Variants in KIAA2012 observed in about 807,000 individuals in gnomAD.
The protein encoded by KIAA2012 is uncharacterized protein KIAA2012.
KIAA2012 carries 125 observed loss-of-function variants against 150.6 expected under a neutral mutation model. The ratio of observed to expected loss-of-function variants is 0.83; its 90% CI spans 0.72 to 0.96. The LOEUF is 0.96. Among genes scored for constraint, KIAA2012 ranks in the 40% least tolerant of loss-of-function variants. The probability of loss-of-function intolerance (pLI) is 0.00; values close to 1 mark genes in which losing one functional copy is unlikely to be tolerated. For missense variants in KIAA2012, 1,219 were observed against 1,354.9 expected (o/e 0.90, Z 1.57); for synonymous variants, 462 against 504.7 (o/e 0.92, Z 1.13).
chr2:202,201,898 G>T (rs2105758039), intron 22 of KIAA2012: 2 of 1,007,104 alleles, frequency 2.0e-6, no homozygotes, highest in South Asian at 1.3e-5. Flanking sequence ...GTGGCTGCAG[G>T]TCCGGTTCGT....
chr2:202,195,562 T>C (rs1015164206), intron 21 of KIAA2012, among the ~76,000 whole-genome samples: 1 of 152,012 alleles, frequency 6.6e-6, no homozygotes, highest in African/African-American at 2.4e-5. Context: ...CTCTTATAGC[T>C]ATTTGAAAAT....
intron 12 of KIAA2012, among the ~76,000 whole-genome samples, chr2:202,133,112 AT>A (rs1559215736): frequency 3.4e-5 from 3 of 88,822 alleles, no homozygotes; most frequent in Non-Finnish European, 4.4e-5. Flanking sequence ...AAAAAAAAAT[AT>A]ATATATATAT....
rs1052583452 is a variant in KIAA2012 at position 202,196,266 on chromosome 2, T to C, written c.3188-534T>C. ...CTTGAGTGCAACGGCGCGATCTCGGTTCACTGCAAGCTCCGCCTCCCAGGT... is the reference window on the plus strand; with the variant it reads ...CTTGAGTGCAACGGCGCGATCTCGGCTCACTGCAAGCTCCGCCTCCCAGGT... On this transcript the variant is annotated intron_variant, in intron 21 of 23. Coordinates refer to ENST00000498697, the MANE Select transcript of KIAA2012 (RefSeq NM_001277372.4). Among the ~76,000 whole-genome samples, 131 of 144,070 alleles carry C rather than the reference T, an allele frequency of 9.1e-4. 1 individual carries two copies. The highest frequency in any genetic ancestry group is 3.1e-3 in the African/African-American group (118 of 38,432). 94.5% of individuals were successfully genotyped at this position (144,070 alleles called of 152,430 possible).
chr2:202,193,223 A>G, intron 19 of KIAA2012, 78 bp from the exon 20 acceptor site: 1 of 1,360,524 alleles, frequency 7.4e-7, no homozygotes, highest in Non-Finnish European at 1.0e-6. Flanking sequence ...TAGAGACAAC[A>G]CTGTCTGGGG....
At chr2:202,191,987 T>A (rs1692332702) in intron 19 of KIAA2012, among the ~76,000 whole-genome samples, 1 of 152,244 alleles carries the variant, frequency 6.6e-6, no homozygotes, top group South Asian at 2.1e-4. Flanking sequence ...GTCACCATTT[T>A]AAATTATTAT....
At chr2:202,165,386 CTT>C (rs1199196930) in intron 15 of KIAA2012, 30 bp downstream of exon 15, 3 of 1,532,220 alleles carry the variant, frequency 2.0e-6, no homozygotes, top group Non-Finnish European at 2.7e-6. Flanking sequence ...GCTTTATAAT[CTT>C]ATAGCCATAA....
At chr2:202,075,603 C>A (rs1208995017) in intron 2 of KIAA2012, among the ~76,000 whole-genome samples, 3 of 152,122 alleles carry the variant, frequency 2.0e-5, no homozygotes, top group Non-Finnish European at 4.4e-5. Flanking sequence ...TAAATATTTA[C>A]CTTGAGCCCT....
intron 12 of KIAA2012, among the ~76,000 whole-genome samples, chr2:202,127,810 G>A (rs1186047343): frequency 2.6e-5 from 4 of 151,960 alleles, no homozygotes; most frequent in African/African-American, 7.3e-5. Context: ...TTTTAATTGC[G>A]GTAAAATACA....
chr2:202,150,888 T>C (rs1691413418), intron 13 of KIAA2012, among the ~76,000 whole-genome samples: 1 of 152,306 alleles, frequency 6.6e-6, no homozygotes, highest in East Asian at 1.9e-4. Flanking sequence ...CTCCTGTACC[T>C]TTAGAGACCT....
rs186672465 is a variant in KIAA2012, at chr2:202,117,281, G to T, written c.1762+3835G>T. ...TGGTCTGTGATTTGGTTGACAGAAA[G>T]ATGAGTCTAAGAATATCCCAGCTGG... is the stretch of plus-strand genomic sequence containing the variant. On this transcript the variant is annotated intron_variant, in intron 11 of 23. Transcript: ENST00000498697. Among the ~76,000 whole-genome samples the T allele has an allele frequency of 4.3e-4, 65 of 152,352 alleles. 1 individual carries two copies. In the East Asian group the frequency reaches 6.4e-3, roughly 15 times the overall value.
At chr2:202,199,211 T>G (rs1194580998) in intron 22 of KIAA2012, among the ~76,000 whole-genome samples, 1 of 152,174 alleles carries the variant, frequency 6.6e-6, no homozygotes, top group African/African-American at 2.4e-5. Context: ...TAACTGGCTT[T>G]ATTTCATCTT....
chr2:202,160,184 T>G lies in KIAA2012; in HGVS notation c.2047-5100T>G, dbSNP rs143510119. On this transcript the variant is annotated intron_variant, in intron 14 of 23. Transcript: ENST00000498697. ...AGAGATCTATGAGGTCTGTCTGTTCTGTTCCTGTGTACCTAGTTGTACTTC... is the reference window on the plus strand; with the variant it reads ...AGAGATCTATGAGGTCTGTCTGTTCGGTTCCTGTGTACCTAGTTGTACTTC... 4.8e-4 allele frequency among the ~76,000 whole-genome samples: 73 copies of G among 152,330 alleles called. No homozygotes were observed. The East Asian group carries it at 0.013, about 27-fold the overall frequency.
At chr2:202,148,699 T>C (rs2105949376) in intron 13 of KIAA2012, among the ~76,000 whole-genome samples, 1 of 152,186 alleles carries the variant, frequency 6.6e-6, no homozygotes, top group East Asian at 1.9e-4. Context: ...TGAGCTGAGA[T>C]CCCAGGCGTC....
At chr2:202,172,597 T>C (rs150276833) in intron 15 of KIAA2012, among the ~76,000 whole-genome samples, 1 of 152,330 alleles carries the variant, frequency 6.6e-6, no homozygotes, top group African/African-American at 2.4e-5. Context: ...TTCAGTTCAG[T>C]TCCGTTCAGG....
At chr2:202,193,636 T>C in intron 20 of KIAA2012, 133 bp downstream of exon 20, 1 of 872,874 alleles carries the variant, frequency 1.1e-6, no homozygotes, top group South Asian at 1.8e-5. Flanking sequence ...GTGTCATTTT[T>C]CTCTATCCTC....
At chr2:202,132,132 T>C (rs187657657) in intron 12 of KIAA2012, among the ~76,000 whole-genome samples, 43 of 152,192 alleles carry the variant, frequency 2.8e-4, no homozygotes, top group African/African-American at 9.2e-4. Context: ...GCCGAGATCA[T>C]GCCATTGCAC....
chr2:202,097,105 A>G (rs969879318), intron 4 of KIAA2012, among the ~76,000 whole-genome samples: 6 of 152,190 alleles, frequency 3.9e-5, no homozygotes, highest in Non-Finnish European at 8.8e-5. Context: ...AGGGGCTGTC[A>G]CATTCATTAT....
At chr2:202,090,991 CAG>C (rs1689705891) in intron 3 of KIAA2012, 62 bp downstream of exon 3, 1 of 1,475,992 alleles carries the variant, frequency 6.8e-7, no homozygotes, top group Non-Finnish European at 9.1e-7. Flanking sequence ...TCTGGTGTGA[CAG>C]TGTGTTTTCC....
chr2:202,117,576 C>A lies in KIAA2012; in HGVS notation c.1762+4130C>A, dbSNP rs1371823525. On this transcript the variant is annotated intron_variant, in intron 11 of 23. Transcript: ENST00000498697. ...AACTCTGGTTTTATTCCCACCTGTA[C>A]TGCCCAGGATTTCTGTGATCACAGG... 3.9e-5 allele frequency among the ~76,000 whole-genome samples: 6 copies of A among 152,220 alleles called. No homozygotes were observed. In the East Asian group the frequency reaches 7.7e-4, roughly 20 times the overall value.
Sources: allele counts gnomAD v4.1 joint callset (sites outside exome capture counted in the v4.1 genomes callset), GRCh38; gene constraint gnomAD v4.1.1; transcripts MANE v1.5; gene names NCBI Gene and HGNC (gene_info 2026-07-23, HGNC 2026-07-21).